BBS9: variants seen among roughly 807,000 people sequenced by gnomAD.
BBS9 encodes protein PTHB1.
In BBS9, 89 loss-of-function variants were observed where a neutral mutation model predicts 117.7. That is an observed-to-expected ratio of 0.76 (90% CI 0.64 to 0.90). The LOEUF (loss-of-function observed/expected upper bound fraction) is 0.90, where lower values mean the gene tolerates loss of function less well. BBS9 is among the 40% of genes least tolerant of loss of function. The probability of loss-of-function intolerance (pLI) is 0.00; values close to 1 mark genes in which losing one functional copy is unlikely to be tolerated. For synonymous variants in BBS9, 379 were observed against 370.9 expected, an observed-to-expected ratio of 1.02 and a Z score of -0.25; for missense variants, 982 against 1,042.2, an observed-to-expected ratio of 0.94 and a Z score of 0.80.
At chr7:33,285,352 T>C (rs1802672924) in intron 9 of BBS9, among the ~76,000 whole-genome samples, 1 of 152,164 alleles carries the variant, frequency 6.6e-6, no homozygotes, top group Non-Finnish European at 1.5e-5. Flanking sequence ...CTAATGAATC[T>C]GCTATTGCAT....
intron 21 of BBS9, among the ~76,000 whole-genome samples, chr7:33,599,244 C>T (rs141849914): frequency 6.6e-6 from 1 of 152,104 alleles, no homozygotes; most frequent in Non-Finnish European, 1.5e-5. Context: ...TAGCCAACTC[C>T]CTAGGTGGCC....
At chr7:33,211,453 C>T (rs527331280) in intron 5 of BBS9, among the ~76,000 whole-genome samples, 5 of 151,580 alleles carry the variant, frequency 3.3e-5, no homozygotes, top group Admixed American at 1.3e-4. Context: ...GAAAACTCTA[C>T]ACTTTAACTT....
intron 20 of BBS9, among the ~76,000 whole-genome samples, chr7:33,509,063 A>G (rs894260092): frequency 2.6e-5 from 4 of 152,228 alleles, no homozygotes; most frequent in Admixed American, 6.5e-5. Flanking sequence ...CGGTGAGATT[A>G]GAAGGTATGT....
chr7:33,303,529 G>C (rs7804330), intron 9 of BBS9, among the ~76,000 whole-genome samples: 76,813 of 99,502 alleles, frequency 0.77, 29,427 homozygotes, highest in Non-Finnish European at 0.81. Flanking sequence ...CCCTCCCCCC[G>C]CCCCTTCTTT....
At chr7:33,609,986 G>C (rs529880991), downstream of BBS9, among the ~76,000 whole-genome samples, 9 of 152,030 alleles carry the variant, frequency 5.9e-5, no homozygotes, top group Non-Finnish European at 1.2e-4. Context: ...CCTGCTACAA[G>C]GGGAAGACAG....
intron 6 of BBS9, among the ~76,000 whole-genome samples, chr7:33,263,284 A>G (rs992945159): frequency 6.6e-6 from 1 of 152,056 alleles, no homozygotes; most frequent in East Asian, 1.9e-4. Flanking sequence ...ACCATTGTAC[A>G]TTTCAGTGCT....
At chr7:33,413,783 A>T (rs1043733334) in intron 19 of BBS9, among the ~76,000 whole-genome samples, 1 of 152,150 alleles carries the variant, frequency 6.6e-6, no homozygotes, top group African/African-American at 2.4e-5. Context: ...GCATTTTGGG[A>T]GGCCGAGGCA....
At chr7:33,501,266 G>A (rs1188481082) in intron 19 of BBS9, among the ~76,000 whole-genome samples, 2 of 152,296 alleles carry the variant, frequency 1.3e-5, no homozygotes, top group South Asian at 2.1e-4. Context: ...AAATTCATTT[G>A]GCTCTTGTGG....
chr7:33,500,333 T>G (rs1845273759), intron 19 of BBS9, among the ~76,000 whole-genome samples: 1 of 152,228 alleles, frequency 6.6e-6, no homozygotes, highest in African/African-American at 2.4e-5. Flanking sequence ...ATTTGTATAT[T>G]GGTTTATATT....
intron 19 of BBS9, among the ~76,000 whole-genome samples, chr7:33,438,503 T>C (rs1835648587): frequency 6.6e-6 from 1 of 152,112 alleles, no homozygotes. Flanking sequence ...GTGTAGAAAA[T>C]TCTGAAGGAG....
At chr7:33,139,401 AAC>A (rs1791096362) in intron 1 of BBS9, among the ~76,000 whole-genome samples, 1 of 150,850 alleles carries the variant, frequency 6.6e-6, no homozygotes, top group African/African-American at 2.4e-5. Flanking sequence ...TTTTTATTTT[AAC>A]AGCCCACTAG....
intron 17 of BBS9, among the ~76,000 whole-genome samples, chr7:33,383,163 C>T (rs1200436235): frequency 6.6e-6 from 1 of 152,110 alleles, no homozygotes; most frequent in African/African-American, 2.4e-5. Flanking sequence ...GGTCTGACTG[C>T]AAAATCTCTC....
At chr7:33,241,417 C>A (rs6949559) in intron 5 of BBS9, among the ~76,000 whole-genome samples, 5,686 of 152,128 alleles carry the variant, frequency 0.037, 193 homozygotes, top group African/African-American at 0.087. Flanking sequence ...TTATTTATCC[C>A]ACTTGGGATT....
chr7:33,220,564 A>G (rs982108756), intron 5 of BBS9, among the ~76,000 whole-genome samples: 3 of 152,244 alleles, frequency 2.0e-5, no homozygotes, highest in Admixed American at 1.3e-4. Context: ...GGCTACATTT[A>G]AGCAGTTTTG....
intron 20 of BBS9, among the ~76,000 whole-genome samples, chr7:33,507,899 C>T (rs1472544783): frequency 6.6e-6 from 1 of 152,184 alleles, no homozygotes; most frequent in African/African-American, 2.4e-5. Flanking sequence ...CCTTCTGCAG[C>T]ATCTCTCCTG....
intron 5 of BBS9, among the ~76,000 whole-genome samples, chr7:33,251,732 A>T (rs1019042618): frequency 1.3e-5 from 2 of 152,216 alleles, no homozygotes; most frequent in Non-Finnish European, 2.9e-5. Context: ...TTTAATTCTC[A>T]CAAGTTACTG....
chr7:33,184,097 CAGAGAGAG>C lies in BBS9; in HGVS notation c.442+6523_442+6530del, dbSNP rs35333434. ...ACCACACCTATAAGCAGTTTGCACA[CAGAGAGAG>C]AGAGAGAGAGAGAGAGTGAGAGAAG... On this transcript the variant is annotated intron_variant, in intron 5 of 22. Transcript: ENST00000242067. Among the ~76,000 whole-genome samples the C allele has an allele frequency of 1.8e-3, 268 of 149,566 alleles. 1 individual carries two copies. The highest frequency in any genetic ancestry group is 6.2e-3 in the African/African-American group (251 of 40,642).
At chr7:33,181,656 A>T (rs993245305) in intron 5 of BBS9, among the ~76,000 whole-genome samples, 1 of 152,244 alleles carries the variant, frequency 6.6e-6, no homozygotes, top group African/African-American at 2.4e-5. Flanking sequence ...TCCAATGTTC[A>T]ATTTATGGAA....
At chr7:33,560,752 C>G (rs1341016422) in intron 21 of BBS9, among the ~76,000 whole-genome samples, 7 of 152,144 alleles carry the variant, frequency 4.6e-5, no homozygotes, top group Non-Finnish European at 8.8e-5. Context: ...TATTCTTAAG[C>G]ATCTCTAGGG....
Sources: allele counts gnomAD v4.1 joint callset (sites outside exome capture counted in the v4.1 genomes callset), GRCh38; gene constraint gnomAD v4.1.1; transcripts MANE v1.5; gene names NCBI Gene and HGNC (gene_info 2026-07-23, HGNC 2026-07-21).